QTGAL: variants seen among roughly 807,000 people sequenced by gnomAD.
QTGAL encodes the protein BGnT-like protein 1.
chr17:83,041,325 A>G, the QTGAL span, among the ~76,000 whole-genome samples: 1 of 152,232 alleles, frequency 6.6e-6, no homozygotes, highest in African/African-American at 2.4e-5. Context: ...GCAGAAAAAA[A>G]GTTTGAAAAA....
At chr17:83,036,216 G>A in the QTGAL span, among the ~76,000 whole-genome samples, 1 of 152,250 alleles carries the variant, frequency 6.6e-6, no homozygotes, top group Admixed American at 6.5e-5. Flanking sequence ...GCACCCTCCA[G>A]GGCTGTACAC....
chr17:83,018,169 T>C, the QTGAL span, among the ~76,000 whole-genome samples: 4 of 123,318 alleles, frequency 3.2e-5, no homozygotes, highest in Non-Finnish European at 7.3e-5. Flanking sequence ...GCGAACATGG[T>C]GTGGCTGTAT....
the QTGAL span, among the ~76,000 whole-genome samples, chr17:83,044,432 G>A: frequency 3.1e-4 from 47 of 152,210 alleles, no homozygotes; most frequent in Admixed American, 2.6e-3. Context: ...GACAAAATCC[G>A]GCACCCTTTC....
At chr17:82,969,695 T>C in the QTGAL span, among the ~76,000 whole-genome samples, 1 of 152,146 alleles carries the variant, frequency 6.6e-6, no homozygotes, top group African/African-American at 2.4e-5. Flanking sequence ...TTTAAATTTT[T>C]TTTTTATACA....
chr17:83,048,750 C>T, the QTGAL span: 1 of 1,614,100 alleles, frequency 6.2e-7, no homozygotes, highest in South Asian at 1.1e-5. Context: ...ATTCGTCCAG[C>T]CACGGTTCAG....
chr17:83,002,483 G>C, the QTGAL span, among the ~76,000 whole-genome samples: 1 of 152,302 alleles, frequency 6.6e-6, no homozygotes, highest in African/African-American at 2.4e-5. Flanking sequence ...CTCACTCACA[G>C]TGTGCAGCCT....
chr17:82,969,407 C>T, the QTGAL span, among the ~76,000 whole-genome samples: 1 of 152,230 alleles, frequency 6.6e-6, no homozygotes, highest in Non-Finnish European at 1.5e-5. Flanking sequence ...CAGGGTTTCG[C>T]TACGTTGCCC....
the QTGAL span, among the ~76,000 whole-genome samples, chr17:83,029,389 A>G: frequency 6.6e-6 from 1 of 152,186 alleles, no homozygotes; most frequent in African/African-American, 2.4e-5. Flanking sequence ...ATTTGTATAG[A>G]TACCAGATAG....
chr17:83,014,102 C>T, the QTGAL span, among the ~76,000 whole-genome samples: 8 of 152,168 alleles, frequency 5.3e-5, no homozygotes, highest in Admixed American at 6.5e-5. Flanking sequence ...AGATAAAAAC[C>T]GTAATTTAAG....
the QTGAL span, among the ~76,000 whole-genome samples, chr17:82,951,653 C>G: frequency 1.3e-5 from 2 of 152,166 alleles, no homozygotes; most frequent in Non-Finnish European, 2.9e-5. Flanking sequence ...ACATGCCTTC[C>G]TCACTAAGCT....
At chr17:83,010,720 G>A in the QTGAL span, among the ~76,000 whole-genome samples, 1,593 of 152,370 alleles carry the variant, frequency 0.01, 11 homozygotes, top group Non-Finnish European at 0.016. Flanking sequence ...GGCAGAAGTG[G>A]AAGCAGGGAG....
At chr17:82,965,059 C>G in the QTGAL span, among the ~76,000 whole-genome samples, 16 of 144,824 alleles carry the variant, frequency 1.1e-4, no homozygotes, top group African/African-American at 4.3e-4. Flanking sequence ...GACATGGACG[C>G]CTGCAGGTGC....
At chr17:82,958,832 TGTGTGTGTGTGTACACTGGGGGTGTATG>T in the QTGAL span, among the ~76,000 whole-genome samples, 8 of 121,052 alleles carry the variant, frequency 6.6e-5, no homozygotes, top group Admixed American at 1.8e-4. Context: ...GGGTGTATGG[TGTGTGTGTGTGTACACTGGGGGTGTATG>T]GTGTGTGTGT....
chr17:82,983,642 A>T, the QTGAL span, among the ~76,000 whole-genome samples: 1 of 152,210 alleles, frequency 6.6e-6, no homozygotes, highest in Non-Finnish European at 1.5e-5. Context: ...CAATGGTGAC[A>T]GGATGGGCGC....
At chr17:83,023,162 TTAGCACTGTCCCCGCCCCA>T in the QTGAL span, among the ~76,000 whole-genome samples, 1 of 102,672 alleles carries the variant, frequency 9.7e-6, no homozygotes, top group Non-Finnish European at 2.1e-5. Context: ...TCACATGAGC[TTAGCACTGTCCCCGCCCCA>T]CCTGCACCAG....
At chr17:82,990,918 A>G in the QTGAL span, among the ~76,000 whole-genome samples, 1 of 152,292 alleles carries the variant, frequency 6.6e-6, no homozygotes, top group African/African-American at 2.4e-5. Flanking sequence ...AGCCAGGAAG[A>G]GCCACATCAG....
At chr17:83,023,405 G>A in the QTGAL span, among the ~76,000 whole-genome samples, 1 of 148,648 alleles carries the variant, frequency 6.7e-6, no homozygotes, top group African/African-American at 2.4e-5. Flanking sequence ...GCTGCTCTCC[G>A]CTGTTTTCTA....
At chr17:82,958,105 G>A in the QTGAL span, among the ~76,000 whole-genome samples, 5 of 149,244 alleles carry the variant, frequency 3.4e-5, no homozygotes, top group South Asian at 2.3e-4. Flanking sequence ...CCCTCCCCAC[G>A]TGCCCCATCG....
At chr17:83,028,601 A>G in the QTGAL span, among the ~76,000 whole-genome samples, 2 of 152,128 alleles carry the variant, frequency 1.3e-5, no homozygotes, top group Non-Finnish European at 2.9e-5. Flanking sequence ...CCACAGTGAG[A>G]CACACATCAG....
Sources: gnomAD v4.1 joint callset for allele counts (sites outside exome capture counted in the v4.1 genomes callset) on GRCh38, gnomAD v4.1.1 for gene constraint, MANE v1.5 for transcripts, NCBI Gene and HGNC (gene_info 2026-07-23, HGNC 2026-07-21) for gene names.